Variants in DNAJC1 observed in about 807,000 individuals in gnomAD.
DNAJC1 encodes dnaJ homolog subfamily C member 1.
Under a neutral mutation model 76.6 loss-of-function variants are expected in DNAJC1, and 58 were observed. That is an observed-to-expected ratio of 0.76 (90% CI 0.61 to 0.94). DNAJC1 has a LOEUF of 0.94. DNAJC1 is among the 40% of genes least tolerant of loss of function. The probability of loss-of-function intolerance (pLI) is 0.00; values close to 1 mark genes in which losing one functional copy is unlikely to be tolerated. For missense variants in DNAJC1, 689 were observed against 677.3 expected, an observed-to-expected ratio of 1.02 and a Z score of -0.19; for synonymous variants, 258 against 267.9, an observed-to-expected ratio of 0.96 and a Z score of 0.36.
intron 1 of DNAJC1, among the ~76,000 whole-genome samples, chr10:22,000,302 T>C (rs947860207): frequency 1.3e-5 from 2 of 152,200 alleles, no homozygotes; most frequent in African/African-American, 4.8e-5. Flanking sequence ...CTCAGTACAC[T>C]AAAGAGATCA....
intron 1 of DNAJC1, among the ~76,000 whole-genome samples, chr10:21,960,962 T>C (rs1837780862): frequency 6.6e-6 from 1 of 152,144 alleles, no homozygotes; most frequent in South Asian, 2.1e-4. Context: ...GATAATACAA[T>C]AGCCATGAAG....
chr10:21,974,972 A>T (rs1209025694), intron 1 of DNAJC1, among the ~76,000 whole-genome samples: 1 of 152,112 alleles, frequency 6.6e-6, no homozygotes, highest in Non-Finnish European at 1.5e-5. Context: ...GTAAATTTCT[A>T]ACAATATCAT....
intron 1 of DNAJC1, among the ~76,000 whole-genome samples, chr10:21,939,707 A>C (rs747748324): frequency 6.6e-6 from 1 of 152,146 alleles, no homozygotes; most frequent in Non-Finnish European, 1.5e-5. Flanking sequence ...TGATGCTGGA[A>C]CAACTACAAA....
intron 1 of DNAJC1, among the ~76,000 whole-genome samples, chr10:21,963,297 G>C (rs768596858): frequency 6.6e-6 from 1 of 152,150 alleles, no homozygotes; most frequent in Non-Finnish European, 1.5e-5. Flanking sequence ...TTCACCAAAA[G>C]TAAAAGCTGC....
chr10:21,983,199 C>T (rs1029026387), intron 1 of DNAJC1, among the ~76,000 whole-genome samples: 1 of 152,066 alleles, frequency 6.6e-6, no homozygotes, highest in African/African-American at 2.4e-5. Flanking sequence ...ATAGCCAAAG[C>T]TGAAAACCTA....
At chr10:21,771,642 T>A (rs1363006490) in intron 9 of DNAJC1, among the ~76,000 whole-genome samples, 1 of 151,922 alleles carries the variant, frequency 6.6e-6, no homozygotes, top group Non-Finnish European at 1.5e-5. Context: ...GGATTACAGG[T>A]GCGTGCCACC....
chr10:21,976,176 C>T (rs1186048005), intron 1 of DNAJC1, among the ~76,000 whole-genome samples: 1 of 152,146 alleles, frequency 6.6e-6, no homozygotes, highest in Non-Finnish European at 1.5e-5. Flanking sequence ...CTGTATTCAT[C>T]TTCCTGATTC....
Position 21,826,419 on chromosome 10 carries a change from T to C in DNAJC1, c.979-20320A>G, listed in dbSNP as rs185740153. 2.0e-3 allele frequency among the ~76,000 whole-genome samples: 304 copies of C among 152,224 alleles called. 1 individual carries two copies. Among genetic ancestry groups the C allele is most frequent in the African/African-American group, 6.9e-3 (286 of 41,538 alleles). On this transcript the variant is annotated intron_variant, in intron 8 of 11. Coordinates refer to ENST00000376980, the MANE Select transcript of DNAJC1 (RefSeq NM_022365.4). ...AATCTTCCTGCCTCAGCCTCCTGAA[T>C]TGTTAGGATTATAGGCATGAGCCAC...
chr10:21,918,287 AG>A (rs1836986433), intron 6 of DNAJC1, among the ~76,000 whole-genome samples: 1 of 151,888 alleles, frequency 6.6e-6, no homozygotes, highest in Non-Finnish European at 1.5e-5. Context: ...TACCTGTATA[AG>A]ACAAAATGTC....
At chr10:21,922,202 A>T (rs1837053355) in intron 3 of DNAJC1, among the ~76,000 whole-genome samples, 1 of 152,028 alleles carries the variant, frequency 6.6e-6, no homozygotes, top group Non-Finnish European at 1.5e-5. Context: ...TTTAAATGCA[A>T]CAACTGCAGT....
At position 22,003,185 on chromosome 10, in the gene DNAJC1, G is replaced by T. The variant is rs913925868; in HGVS notation, c.222+28C>A. On this transcript the variant is annotated intron_variant, in intron 1 of 11. Transcript: ENST00000376980. ...CTGACGCCTGCCCTGGCCCCTCTCCGCCCGGCCCCGCGCGCCTCCTTGCTT... is the reference window on the plus strand; with the variant it reads ...CTGACGCCTGCCCTGGCCCCTCTCCTCCCGGCCCCGCGCGCCTCCTTGCTT... 5 of 1,489,542 alleles carry T rather than the reference G, an allele frequency of 3.4e-6. No individual in the cohort carries two copies. The African/African-American group carries it at 5.8e-5, about 17-fold the overall frequency. The allele number at this position is 1,489,542 out of a possible 1,614,324, so 92.3% of individuals were successfully genotyped here. A position where few individuals can be genotyped will look rare whatever the true frequency, so the allele number is the denominator to read the frequency against.
chr10:21,937,387 C>T (rs1029667275), intron 1 of DNAJC1, among the ~76,000 whole-genome samples: 6 of 151,958 alleles, frequency 3.9e-5, no homozygotes, highest in Admixed American at 1.3e-4. Flanking sequence ...CATTATTTAA[C>T]GACAAAAAGG....
chr10:21,925,826 G>T (rs1346479226), intron 3 of DNAJC1, among the ~76,000 whole-genome samples: 1 of 152,204 alleles, frequency 6.6e-6, no homozygotes, highest in East Asian at 1.9e-4. Flanking sequence ...TTTTTGAAAT[G>T]ATGTAAATGT....
At chr10:21,820,281 CTA>C (rs1039016585) in intron 8 of DNAJC1, among the ~76,000 whole-genome samples, 2 of 152,010 alleles carry the variant, frequency 1.3e-5, no homozygotes, top group African/African-American at 4.8e-5. Flanking sequence ...GAAAAATATT[CTA>C]TGTCTGGGGG....
chr10:21,766,908 T>C (rs1301265216), intron 9 of DNAJC1, among the ~76,000 whole-genome samples: 1 of 149,780 alleles, frequency 6.7e-6, no homozygotes, highest in East Asian at 2.0e-4. Flanking sequence ...AGGCGGAGGT[T>C]GCAGTAAGCT....
chr10:21,931,478 T>G (rs1286502318), intron 1 of DNAJC1, among the ~76,000 whole-genome samples: 2 of 152,344 alleles, frequency 1.3e-5, no homozygotes, highest in East Asian at 3.9e-4. Context: ...AGCTTATGTA[T>G]TTATTTAATA....
At chr10:21,765,511 C>T (rs1323337715) in intron 10 of DNAJC1, among the ~76,000 whole-genome samples, 2 of 152,154 alleles carry the variant, frequency 1.3e-5, no homozygotes, top group African/African-American at 2.4e-5. Context: ...TATGGAGACT[C>T]TAACAAAATT....
chr10:21,945,592 T>C (rs756923003), intron 1 of DNAJC1, among the ~76,000 whole-genome samples: 3 of 152,124 alleles, frequency 2.0e-5, no homozygotes, highest in Non-Finnish European at 4.4e-5. Context: ...AGGATACATG[T>C]AGGTCTAAGT....
intron 6 of DNAJC1, among the ~76,000 whole-genome samples, chr10:21,916,316 C>T (rs1348609543): frequency 3.3e-5 from 5 of 151,982 alleles, no homozygotes; most frequent in Non-Finnish European, 7.4e-5. Context: ...GGTGAAACCC[C>T]GTCTCTACTA....
Sources: allele counts gnomAD v4.1 joint callset (sites outside exome capture counted in the v4.1 genomes callset), GRCh38; gene constraint gnomAD v4.1.1; transcripts MANE v1.5; gene names NCBI Gene and HGNC (gene_info 2026-07-23, HGNC 2026-07-21).